LTBP1: variants seen among roughly 807,000 people sequenced by gnomAD.
LTBP1 encodes latent-transforming growth factor beta-binding protein 1.
Under a neutral mutation model 207.6 loss-of-function variants are expected in LTBP1, and 129 were observed. The observed-to-expected ratio is 0.62, with a 90% CI of 0.54 to 0.72. The LOEUF is 0.72. Among genes scored for constraint, LTBP1 ranks in the 30% least tolerant of loss-of-function variants. LTBP1 has a pLI of 0.00. For missense variants in LTBP1, 2,281 were observed against 2,217.2 expected, an observed-to-expected ratio of 1.03 and a Z score of -0.58; for synonymous variants, 963 against 833.7, an observed-to-expected ratio of 1.16 and a Z score of -2.67.
In LTBP1 at chr2:33,082,412, C is replaced by T. The variant is rs543968733; in HGVS notation, c.864-28170C>T. 7.5e-4 allele frequency among the ~76,000 whole-genome samples: 109 copies of T among 145,030 alleles called. 1 individual carries two copies. Among genetic ancestry groups the T allele is most frequent in the African/African-American group, 2.7e-3 (106 of 39,052 alleles). Reference sequence around the variant, plus strand: ...ATGAATTTCAGTCCACAAAGTTAACCGTGGCTAAAGTATGACTCACTTTTT... The same window carrying T: ...ATGAATTTCAGTCCACAAAGTTAACTGTGGCTAAAGTATGACTCACTTTTT... On this transcript the variant is annotated intron_variant, in intron 3 of 33. Coordinates refer to ENST00000404816, the MANE Select transcript of LTBP1 (RefSeq NM_206943.4).
intron 3 of LTBP1, among the ~76,000 whole-genome samples, chr2:33,094,540 G>A (rs2079285411): frequency 6.6e-6 from 1 of 152,158 alleles, no homozygotes; most frequent in Admixed American, 6.5e-5. Context: ...CTTTTCATCG[G>A]TGAAGTTACA....
intron 2 of LTBP1, among the ~76,000 whole-genome samples, chr2:32,992,344 TAGGC>T (rs1237757028): frequency 6.6e-6 from 1 of 151,926 alleles, no homozygotes; most frequent in Non-Finnish European, 1.5e-5. Flanking sequence ...GGAAGGGAGA[TAGGC>T]AGGTAGGATA....
At chr2:33,036,717 C>G (rs2075943527) in intron 3 of LTBP1, among the ~76,000 whole-genome samples, 1 of 152,198 alleles carries the variant, frequency 6.6e-6, no homozygotes, top group African/African-American at 2.4e-5. Flanking sequence ...CTTGTCTTCC[C>G]AAAGTGCTGG....
intron 3 of LTBP1, among the ~76,000 whole-genome samples, chr2:33,050,891 G>A (rs1424354938): frequency 6.6e-6 from 1 of 151,998 alleles, no homozygotes; most frequent in African/African-American, 2.4e-5. Context: ...GCATCACCAT[G>A]CCCAGCTAAT....
intron 7 of LTBP1, among the ~76,000 whole-genome samples, chr2:33,190,939 G>T (rs1274774224): frequency 6.6e-6 from 1 of 152,168 alleles, no homozygotes; most frequent in Non-Finnish European, 1.5e-5. Flanking sequence ...TAAAGACAAT[G>T]TTTATGCTAA....
chr2:33,241,115 A>G (rs2092308203), intron 9 of LTBP1, among the ~76,000 whole-genome samples: 1 of 152,248 alleles, frequency 6.6e-6, no homozygotes, highest in African/African-American at 2.4e-5. Context: ...ATATAAAAAA[A>G]TAGATGAACC....
intron 30 of LTBP1, 100 bp from the exon 31 acceptor site, chr2:33,365,233 G>GA (rs2094970836): frequency 1.9e-6 from 2 of 1,027,776 alleles, no homozygotes; most frequent in Non-Finnish European, 2.9e-6. Flanking sequence ...GTCACTCTTA[G>GA]AAATAGAGAT....
chr2:33,381,742 G>A (rs1350547384), intron 31 of LTBP1, among the ~76,000 whole-genome samples: 1 of 152,120 alleles, frequency 6.6e-6, no homozygotes, highest in Non-Finnish European at 1.5e-5. Context: ...GATGCTTAAG[G>A]TCTAGGGAGT....
chr2:33,277,813 TTTTCTTTC>T (rs1478928974), intron 18 of LTBP1, among the ~76,000 whole-genome samples: 14 of 71,742 alleles, frequency 2.0e-4, no homozygotes, highest in African/African-American at 3.9e-4. Flanking sequence ...CTCTTTCTTT[TTTTCTTTC>T]TTTCTTTCTT....
At chr2:33,288,854 CAAAAAAA>C (rs200975631) in intron 19 of LTBP1, among the ~76,000 whole-genome samples, 2,222 of 73,068 alleles carry the variant, frequency 0.03, 23 homozygotes, top group East Asian at 0.056. Flanking sequence ...GACTCTGTCT[CAAAAAAA>C]AAAAAAAAAG....
chr2:33,126,825 T>G (rs2081466608), intron 4 of LTBP1, among the ~76,000 whole-genome samples: 2 of 151,930 alleles, frequency 1.3e-5, no homozygotes, highest in South Asian at 4.2e-4. Context: ...AAGTTTGTAT[T>G]GGAAAAAAAA....
At chr2:33,285,156 G>C (rs12996523) in intron 19 of LTBP1, among the ~76,000 whole-genome samples, 3,035 of 146,730 alleles carry the variant, frequency 0.021, 44 homozygotes, top group Middle Eastern at 0.11. Flanking sequence ...ATTCTCCTGC[G>C]TCAGCCTCCC....
At chr2:33,079,737 A>G (rs1208683192) in intron 3 of LTBP1, among the ~76,000 whole-genome samples, 3 of 152,122 alleles carry the variant, frequency 2.0e-5, no homozygotes, top group Admixed American at 6.5e-5. Flanking sequence ...TGATGGAGCC[A>G]CCTGGGGCCA....
intron 9 of LTBP1, among the ~76,000 whole-genome samples, chr2:33,235,376 C>T (rs1311425673): frequency 2.6e-5 from 4 of 152,036 alleles, no homozygotes; most frequent in South Asian, 2.1e-4. Flanking sequence ...GTTAGAATGG[C>T]GATCATTAAA....
intron 31 of LTBP1, among the ~76,000 whole-genome samples, chr2:33,386,221 A>G (rs1014456119): frequency 6.6e-6 from 1 of 152,222 alleles, no homozygotes; most frequent in African/African-American, 2.4e-5. Context: ...GTTTCAGTTC[A>G]GGTCCACCTT....
At chr2:33,201,875 G>T (rs2089324878) in intron 7 of LTBP1, among the ~76,000 whole-genome samples, 1 of 152,188 alleles carries the variant, frequency 6.6e-6, no homozygotes, top group African/African-American at 2.4e-5. Flanking sequence ...TTCTGTTAGA[G>T]ATGCCAGAAG....
At chr2:33,237,988 T>G (rs1488219739) in intron 9 of LTBP1, among the ~76,000 whole-genome samples, 1 of 152,198 alleles carries the variant, frequency 6.6e-6, no homozygotes, top group Non-Finnish European at 1.5e-5. Context: ...TAGAATATCT[T>G]CATGTTCCTT....
intron 19 of LTBP1, among the ~76,000 whole-genome samples, chr2:33,284,327 C>T (rs2148647963): frequency 6.6e-6 from 1 of 152,318 alleles, no homozygotes; most frequent in East Asian, 1.9e-4. Flanking sequence ...TTATTATCCA[C>T]TTCAAATATC....
chr2:33,027,790 T>C (rs1006719855), intron 3 of LTBP1, among the ~76,000 whole-genome samples: 1 of 152,182 alleles, frequency 6.6e-6, no homozygotes, highest in Admixed American at 6.5e-5. Context: ...TGAGCTGAGA[T>C]CGCACCACTG....
Sources: allele counts gnomAD v4.1 joint callset (sites outside exome capture counted in the v4.1 genomes callset), GRCh38; gene constraint gnomAD v4.1.1; transcripts MANE v1.5; gene names NCBI Gene and HGNC (gene_info 2026-07-23, HGNC 2026-07-21).